The following FUT8 variants were observed in gnomAD, a reference collection of about 807,000 sequenced individuals.
FUT8 encodes the protein alpha-(1,6)-fucosyltransferase.
FUT8 carries 29 observed loss-of-function variants against 71.3 expected under a neutral mutation model. The observed-to-expected ratio is 0.41, with a 90% CI of 0.30 to 0.55. The LOEUF (loss-of-function observed/expected upper bound fraction) is 0.55. FUT8 is among the 20% of genes least tolerant of loss of function. The pLI is 0.34. For missense variants in FUT8, 544 were observed against 702.1 expected, an observed-to-expected ratio of 0.77 and a Z score of 2.55; for synonymous variants, 254 against 239.3, an observed-to-expected ratio of 1.06 and a Z score of -0.57.
rs537066576 is a variant in FUT8, at chr14:65,622,781, T to G, written c.482+6408T>G. ...AAACTCAAGTAATTTTTCTTGCCCA[T>G]GATGCAGATTTGCCCATGGATTTGA... On this transcript the variant is annotated intron_variant, in intron 5 of 10. Coordinates refer to ENST00000673929, the MANE Select transcript of FUT8 (RefSeq NM_001371533.1). Among the ~76,000 whole-genome samples, 9 of 152,332 alleles carry G rather than the reference T, an allele frequency of 5.9e-5. No homozygotes were observed. The South Asian group carries it at 1.2e-3, about 21-fold the overall frequency.
chr14:65,396,279 T>A, the FUT8 span, among the ~76,000 whole-genome samples: 1 of 152,180 alleles, frequency 6.6e-6, no homozygotes, highest in African/African-American at 2.4e-5. This position sits in a 1 kb window ranked among gnomAD's most constrained non-coding sequence, Gnocchi z 5.5. Flanking sequence ...CGCACCCCAC[T>A]CTTGGTACCA....
rs573146002 is a variant in FUT8, at chr14:65,480,060, C to T, written c.-228+24342C>T. Among the ~76,000 whole-genome samples the T allele has an allele frequency of 4.1e-4, 63 of 152,064 alleles. 2 individuals carry two copies. The South Asian group carries it at 0.013, about 31-fold the overall frequency. On this transcript the variant is annotated intron_variant, in intron 2 of 10. Coordinates refer to ENST00000673929, the MANE Select transcript of FUT8 (RefSeq NM_001371533.1). ...CAGTTTGAAATGATGCCATTAATGA[C>T]CACATGTTTGGATTTCTTGACTATG...
At chr14:65,382,429 C>T in the FUT8 span, among the ~76,000 whole-genome samples, 5 of 152,100 alleles carry the variant, frequency 3.3e-5, no homozygotes, top group African/African-American at 4.8e-5. Flanking sequence ...CTTCGCCTCC[C>T]GAGTTCAAGT....
chr14:65,609,553 G>A (rs1350878467), intron 3 of FUT8, among the ~76,000 whole-genome samples: 2 of 151,852 alleles, frequency 1.3e-5, no homozygotes, highest in African/African-American at 4.8e-5. Flanking sequence ...TAAATTGAGT[G>A]TCCATTTATG....
At chr14:65,487,585 A>AAC in intron 2 of FUT8, among the ~76,000 whole-genome samples, 1 of 150,648 alleles carries the variant, frequency 6.6e-6, no homozygotes, top group African/African-American at 2.4e-5. Flanking sequence ...AAAAAAAAAA[A>AAC]CTCAGTTTTT....
At position 65,638,757 on chromosome 14, in the gene FUT8, A is replaced by G. The variant is rs1324672828; in HGVS notation, c.597+9151A>G. ...CAGAATATAACTATATACGTTATTT[A>G]TGTGCTTGTATACTGACTCTGAGAT... On this transcript the variant is annotated intron_variant, in intron 6 of 10. Coordinates refer to ENST00000673929, the MANE Select transcript of FUT8 (RefSeq NM_001371533.1). This position sits in a 1 kb window ranked among gnomAD's most constrained non-coding sequence, Gnocchi z 4.5. Among the ~76,000 whole-genome samples, 1 of 152,204 alleles carries G rather than the reference A, an allele frequency of 6.6e-6. No individual in the cohort carries two copies. The highest frequency in any genetic ancestry group is 6.5e-5 in the Admixed American group (1 of 15,284).
At chr14:65,626,553 T>C (rs1012375456) in intron 5 of FUT8, among the ~76,000 whole-genome samples, 6 of 152,244 alleles carry the variant, frequency 3.9e-5, no homozygotes, top group African/African-American at 1.4e-4. Context: ...TTTCCTACTC[T>C]GACATTTCTG....
chr14:65,439,362 C>A (rs1451486748), intron 1 of FUT8, among the ~76,000 whole-genome samples: 1 of 152,148 alleles, frequency 6.6e-6, no homozygotes, highest in African/African-American at 2.4e-5. Flanking sequence ...TGGAGGGAAA[C>A]AAGTCAGTCT....
In FUT8 at chr14:65,629,536, C is replaced by A. The variant is rs1412868234; in HGVS notation, c.527C>A (p.Ala176Glu). ...TACTACCTCAGTCAGACAGATGGAG[C>A]AGGTGATTGGCGGGAAAAAGAGGCC... ...DLYYLSQTDG[A>E]GDWREKEAKD... Residue 176 changes from alanine (A) to glutamate (E), a missense_variant, in exon 6 of 11, where the codon GCA becomes GAA. Physicochemically the swap from Ala to Glu is moderately radical, Grantham distance 107 (BLOSUM62 -1). Transcript: ENST00000673929. 6.2e-6 allele frequency: 10 copies of A among 1,613,632 alleles called. No individual in the cohort carries two copies. Among genetic ancestry groups the A allele is most frequent in the Non-Finnish European group, 7.6e-6 (9 of 1,179,742 alleles).
chr14:65,564,507 CA>C (rs1332452253), intron 3 of FUT8, among the ~76,000 whole-genome samples: 1 of 151,936 alleles, frequency 6.6e-6, no homozygotes, highest in Non-Finnish European at 1.5e-5. Context: ...TAGGAGGTTG[CA>C]GTGTATTTGT....
At chr14:65,625,150 G>A (rs1035113327) in intron 5 of FUT8, among the ~76,000 whole-genome samples, 3 of 151,930 alleles carry the variant, frequency 2.0e-5, no homozygotes, top group African/African-American at 7.3e-5. Flanking sequence ...TTGATAGGTA[G>A]GAAAAAACAA....
intron 3 of FUT8, among the ~76,000 whole-genome samples, chr14:65,613,468 T>C (rs1184013517): frequency 6.6e-6 from 1 of 152,216 alleles, no homozygotes. Flanking sequence ...CATTTGTGAA[T>C]GTATGCGTGC....
chr14:65,536,076 GT>G (rs527697038), intron 2 of FUT8, among the ~76,000 whole-genome samples: 1 of 151,868 alleles, frequency 6.6e-6, no homozygotes, highest in Non-Finnish European at 1.5e-5. Flanking sequence ...CTTAAAATCT[GT>G]TTTTTTCTGC....
rs1177797313 is a variant in FUT8 at position 65,669,348 on chromosome 14, T to C, written c.703T>C (p.Tyr235His). 6.2e-7 allele frequency: 1 copy of C among 1,613,868 alleles called. No homozygotes were observed. The highest frequency in any genetic ancestry group is 1.1e-5 in the South Asian group (1 of 91,072). ...HHVVYCFMIA[Y>H]GTQRTLILES... ...TGTGGTCTACTGCTTCATGATTGCA[T>C]ATGGCACCCAGCGAACACTCATCTT... The change falls in exon 7 of 11, where the codon TAT becomes CAT. Residue 235 changes from tyrosine to histidine, a missense_variant. Coordinates refer to ENST00000673929, the MANE Select transcript of FUT8 (RefSeq NM_001371533.1). This position sits in a 1 kb window ranked among gnomAD's most constrained non-coding sequence, Gnocchi z 4.5.
chr14:65,408,587 T>G (rs969665114), upstream of FUT8, among the ~76,000 whole-genome samples: 2 of 152,156 alleles, frequency 1.3e-5, no homozygotes, highest in African/African-American at 4.8e-5. Context: ...TAAACAGCCC[T>G]ATTAATAAGG....
intron 6 of FUT8, among the ~76,000 whole-genome samples, chr14:65,653,374 G>A (rs1006865214): frequency 2.0e-5 from 3 of 152,064 alleles, no homozygotes; most frequent in Admixed American, 1.3e-4. Flanking sequence ...GGAAGTTTTA[G>A]TCTGTGATTT....
At chr14:65,570,840 C>T (rs1187837989) in intron 3 of FUT8, among the ~76,000 whole-genome samples, 3 of 152,078 alleles carry the variant, frequency 2.0e-5, no homozygotes, top group Non-Finnish European at 4.4e-5. Context: ...TAGACAAGAT[C>T]GAAAACCTGA....
At chr14:65,704,902 C>T (rs1894482719) in intron 7 of FUT8, among the ~76,000 whole-genome samples, 1 of 152,188 alleles carries the variant, frequency 6.6e-6, no homozygotes, top group Non-Finnish European at 1.5e-5. Flanking sequence ...AGAGTTAAGT[C>T]TGTCAGAATA....
intron 2 of FUT8, among the ~76,000 whole-genome samples, chr14:65,477,924 C>T (rs529332986): frequency 2.0e-5 from 3 of 151,522 alleles, no homozygotes; most frequent in South Asian, 2.1e-4. Flanking sequence ...TTAAACGTTA[C>T]GAGGCATCAG....
Sources: allele counts gnomAD v4.1 joint callset (sites outside exome capture counted in the v4.1 genomes callset), GRCh38; gene constraint gnomAD v4.1.1; non-coding constraint Gnocchi (gnomAD v3.1); transcripts MANE v1.5; gene names NCBI Gene and HGNC (gene_info 2026-07-23, HGNC 2026-07-21).